THRAP3: variants seen among roughly 807,000 people sequenced by gnomAD.
The protein encoded by THRAP3 is thyroid hormone receptor-associated protein 3.
Under a neutral mutation model 101.0 loss-of-function variants are expected in THRAP3, and 16 were observed. The observed-to-expected ratio is 0.16, with a 90% CI of 0.11 to 0.24. THRAP3 has a LOEUF of 0.24. THRAP3 is among the 10% of genes least tolerant of loss of function. The probability of loss-of-function intolerance (pLI) is 1.00; values close to 1 mark genes in which losing one functional copy is unlikely to be tolerated. For missense variants in THRAP3, 989 were observed against 1,202.7 expected (o/e 0.82, Z 2.63); for synonymous variants, 407 against 422.6 (o/e 0.96, Z 0.45).
At chr1:36,258,853 A>G (rs917406240) in intron 1 of THRAP3, among the ~76,000 whole-genome samples, 5 of 152,200 alleles carry the variant, frequency 3.3e-5, no homozygotes, top group African/African-American at 1.2e-4. Flanking sequence ...CTGGTCTTGG[A>G]ACTTGTTTTT....
In THRAP3 at chr1:36,289,090, A is replaced by G; in HGVS notation, c.1071A>G (p.Gly357=). 1 of 1,596,110 alleles carries G rather than the reference A, an allele frequency of 6.3e-7. No individual in the cohort carries two copies. Among genetic ancestry groups the G allele is most frequent in the Non-Finnish European group, 8.5e-7 (1 of 1,174,146 alleles). The part of the protein sequence containing the change: ...RYLEEQKTEN[G]KDKEQKQTNT... ...TAGAAGAGCAGAAGACAGAGAATGG[A>G]AAAGATAAGGAACAGAAACAAACAA... Residue 357 remains glycine, a synonymous_variant, in exon 5 of 12, where the codon GGA becomes GGG. Transcript: ENST00000354618.
intron 1 of THRAP3, among the ~76,000 whole-genome samples, chr1:36,239,071 G>C (rs187261018): frequency 1.9e-4 from 29 of 151,172 alleles, no homozygotes; most frequent in Admixed American, 8.6e-4. Flanking sequence ...GTAGCTGGGA[G>C]TACAGGTGCC....
At chr1:36,213,951 GAAA>G in the THRAP3 span, among the ~76,000 whole-genome samples, 5 of 117,082 alleles carry the variant, frequency 4.3e-5, no homozygotes, top group South Asian at 2.5e-4. Flanking sequence ...AAGAAAGAAA[GAAA>G]GAAAGAAGGA....
intron 1 of THRAP3, among the ~76,000 whole-genome samples, chr1:36,251,191 G>A (rs1361987891): frequency 6.6e-6 from 1 of 152,142 alleles, no homozygotes; most frequent in Non-Finnish European, 1.5e-5. Context: ...CATGACCACT[G>A]GTTTTCAAGG....
At chr1:36,285,542 A>T (rs1282636914) in intron 3 of THRAP3, among the ~76,000 whole-genome samples, 1 of 152,178 alleles carries the variant, frequency 6.6e-6, no homozygotes, top group Non-Finnish European at 1.5e-5. Context: ...AATGGAGAAG[A>T]ACACAACACT....
Position 36,304,291 on chromosome 1 carries a change from T to G in THRAP3, c.*274T>G. The G allele has an allele frequency of 1.9e-5, 6 of 310,942 alleles. No individual in the cohort carries two copies. The highest frequency in any genetic ancestry group is 5.1e-5 in the East Asian group (1 of 19,470). The allele number at this position is 310,942 out of a possible 1,614,324, so 19.3% of individuals were successfully genotyped here. On this transcript the variant is annotated 3_prime_UTR_variant, in exon 12 of 12. Transcript: ENST00000354618. ...TTTTCTCATTTGTTGGTGTGTGGGG[T>G]GGGGGCAGGGGTAGGGCGGGAGAGC... is the stretch of plus-strand genomic sequence containing the variant.
intron 9 of THRAP3, among the ~76,000 whole-genome samples, chr1:36,298,146 C>CAAAAA (rs10653561): frequency 9.4e-5 from 9 of 95,956 alleles, no homozygotes; most frequent in African/African-American, 1.7e-4. Context: ...GACTTCATCT[C>CAAAAA]AAAAAAAAAA....
At chr1:36,253,117 C>G (rs895819584) in intron 1 of THRAP3, among the ~76,000 whole-genome samples, 1 of 151,382 alleles carries the variant, frequency 6.6e-6, no homozygotes, top group Non-Finnish European at 1.5e-5. Flanking sequence ...TAATGCTGAT[C>G]TGTCGTGAAG....
At chr1:36,295,574 T>TTCCTTCCTTCCC (rs1379079382) in intron 8 of THRAP3, among the ~76,000 whole-genome samples, 13 of 146,214 alleles carry the variant, frequency 8.9e-5, no homozygotes, top group Non-Finnish European at 1.5e-4. Flanking sequence ...CCTTCCTTCC[T>TTCCTTCCTTCCC]TCCCTCCTCC....
rs374822607 is a variant in THRAP3, at chr1:36,300,871, C to T, written c.2304-15C>T. ...AGAAAGATGATTGATCACCCTGGCT[C>T]TTCTCTTTTCACAGGAAGCATCGGA... On this transcript the variant is annotated splice_polypyrimidine_tract_variant and intron_variant, in intron 9 of 11. Transcript: ENST00000354618. 1.7e-5 allele frequency: 27 copies of T among 1,612,166 alleles called. No individual in the cohort carries two copies. In the African/African-American group the frequency reaches 1.7e-4, roughly 10 times the overall value.
chr1:36,282,462 T>A, intron 2 of THRAP3, 71 bp from the exon 3 acceptor site: 6 of 1,127,930 alleles, frequency 5.3e-6, no homozygotes, highest in Non-Finnish European at 6.2e-6. Context: ...AATGTGTTTC[T>A]AAAATGTCCA....
At chr1:36,230,678 G>A (rs1645018616) in intron 1 of THRAP3, among the ~76,000 whole-genome samples, 1 of 152,192 alleles carries the variant, frequency 6.6e-6, no homozygotes, top group African/African-American at 2.4e-5. Flanking sequence ...AGCGTAGGAT[G>A]TGCTTTCTGC....
chr1:36,243,841 C>T (rs1197603156), intron 1 of THRAP3, among the ~76,000 whole-genome samples: 1 of 141,616 alleles, frequency 7.1e-6, no homozygotes, highest in Non-Finnish European at 1.6e-5. Context: ...CCCCACACCT[C>T]CCTCCCGGAC....
chr1:36,282,518 A>G lies in THRAP3; in HGVS notation c.-31-15A>G. 3 of 1,591,314 alleles carry G rather than the reference A, an allele frequency of 1.9e-6. No homozygotes were observed. The highest frequency in any genetic ancestry group is 2.6e-6 in the Non-Finnish European group (3 of 1,164,784). On this transcript the variant is annotated splice_polypyrimidine_tract_variant and intron_variant, in intron 2 of 11. Coordinates refer to ENST00000354618, the MANE Select transcript of THRAP3 (RefSeq NM_005119.4). ...GGAACTCACTCATTTGTTCTAATGCATTTTCTTACATTAGGTGTAATTGAA... is the reference window on the plus strand; with the variant it reads ...GGAACTCACTCATTTGTTCTAATGCGTTTTCTTACATTAGGTGTAATTGAA...
At chr1:36,231,111 C>T (rs551968691) in intron 1 of THRAP3, among the ~76,000 whole-genome samples, 1 of 152,108 alleles carries the variant, frequency 6.6e-6, no homozygotes, top group Non-Finnish European at 1.5e-5. Context: ...GTCTCTGATA[C>T]TCCCATTCAT....
intron 3 of THRAP3, among the ~76,000 whole-genome samples, chr1:36,285,104 C>CT (rs1491336068): frequency 6.6e-6 from 1 of 152,018 alleles, no homozygotes; most frequent in Non-Finnish European, 1.5e-5. Context: ...CTTAAAAATA[C>CT]TGTTTTGTTT....
intron 5 of THRAP3, 101 bp downstream of exon 5, chr1:36,289,865 T>C: frequency 6.9e-7 from 1 of 1,445,838 alleles, no homozygotes; most frequent in Non-Finnish European, 9.1e-7. Flanking sequence ...CCCTTCTGTC[T>C]TAAGCTTCAG....
chr1:36,288,150 T>A (rs1402791371), intron 4 of THRAP3: 1 of 955,410 alleles, frequency 1.0e-6, no homozygotes, highest in Non-Finnish European at 1.2e-6. Flanking sequence ...TGTTTTATTT[T>A]ATTTATTTAT....
chr1:36,302,280 T>C (rs898873808), intron 11 of THRAP3, among the ~76,000 whole-genome samples: 13 of 152,198 alleles, frequency 8.5e-5, no homozygotes, highest in African/African-American at 3.1e-4. Context: ...CAAGCTGGTG[T>C]GAGTGTTATA....
Sources: gnomAD v4.1 joint callset for allele counts (sites outside exome capture counted in the v4.1 genomes callset) on GRCh38, gnomAD v4.1.1 for gene constraint, MANE v1.5 for transcripts, NCBI Gene and HGNC (gene_info 2026-07-23, HGNC 2026-07-21) for gene names.